Variants in SPINK1 observed in about 807,000 individuals in gnomAD.
The protein encoded by SPINK1 is serine peptidase inhibitor Kazal type 1.
In SPINK1, 5 loss-of-function variants were observed where a neutral mutation model predicts 9.5. The ratio of observed to expected loss-of-function variants is 0.52; its 90% CI spans 0.27 to 1.10. SPINK1 has a LOEUF of 1.10. Ranked by LOEUF, SPINK1 falls within the 50% of genes least tolerant of loss-of-function variation. SPINK1 has a pLI of 0.11. For missense variants in SPINK1, 88 were observed against 92.7 expected (o/e 0.95, Z 0.21); for synonymous variants, 37 against 32.3 (o/e 1.14, Z -0.49).
upstream of SPINK1, among the ~76,000 whole-genome samples, chr5:147,834,642 G>A (rs536303619): frequency 3.9e-4 from 60 of 151,948 alleles, no homozygotes; most frequent in Middle Eastern, 3.4e-3. Flanking sequence ...TTTTTTCTTG[G>A]GTCTCACAAG....
chr5:147,828,909 G>C (rs193048673), intron 2 of SPINK1, among the ~76,000 whole-genome samples: 54 of 148,252 alleles, frequency 3.6e-4, no homozygotes, highest in Non-Finnish European at 6.7e-4. Context: ...TTTTTTTTTG[G>C]CTCAAAATAA....
intron 3 of SPINK1, chr5:147,826,999 C>A (rs912977720): frequency 1.3e-5 from 2 of 152,160 alleles, no homozygotes; most frequent in Admixed American, 6.5e-5. Flanking sequence ...TTTGTTCATT[C>A]CACACCTTTA....
the SPINK1 span, among the ~76,000 whole-genome samples, chr5:147,838,022 G>A: frequency 1.2e-3 from 175 of 152,146 alleles, no homozygotes; most frequent in African/African-American, 3.9e-3. Flanking sequence ...TTCTTACAGG[G>A]ACAAGCCATC....
intron 1 of SPINK1, among the ~76,000 whole-genome samples, chr5:147,830,023 T>A (rs570916561): frequency 6.6e-6 from 1 of 152,346 alleles, no homozygotes; most frequent in African/African-American, 2.4e-5. Context: ...TAGTGAAGTA[T>A]AATTTTTATC....
upstream of SPINK1, among the ~76,000 whole-genome samples, chr5:147,834,923 A>C (rs1287209103): frequency 6.6e-6 from 1 of 152,108 alleles, no homozygotes; most frequent in Non-Finnish European, 1.5e-5. Context: ...CTCTTGATAG[A>C]TTTTTTTATT....
At chr5:147,836,852 C>T in the SPINK1 span, among the ~76,000 whole-genome samples, 1 of 152,144 alleles carries the variant, frequency 6.6e-6, no homozygotes, top group Admixed American at 6.6e-5. Context: ...AGAACAGAAA[C>T]AGATGACACC....
chr5:147,838,397 T>C, the SPINK1 span, among the ~76,000 whole-genome samples: 1 of 152,154 alleles, frequency 6.6e-6, no homozygotes, highest in East Asian at 1.9e-4. Flanking sequence ...AGGGAGAGTG[T>C]ATGAAGATCA....
chr5:147,837,436 G>A, the SPINK1 span, among the ~76,000 whole-genome samples: 1 of 152,114 alleles, frequency 6.6e-6, no homozygotes, highest in Admixed American at 6.5e-5. Flanking sequence ...GAATTAAGAG[G>A]ATAATGCCTT....
chr5:147,825,375 T>C (rs1192197411), intron 3 of SPINK1, among the ~76,000 whole-genome samples: 1 of 152,160 alleles, frequency 6.6e-6, no homozygotes, highest in Non-Finnish European at 1.5e-5. Context: ...ATTCTTCTAC[T>C]TCTCTATTAC....
the SPINK1 span, among the ~76,000 whole-genome samples, chr5:147,839,076 G>C: frequency 6.6e-6 from 1 of 152,174 alleles, no homozygotes; most frequent in Non-Finnish European, 1.5e-5. Context: ...CTTTATAAAG[G>C]AAAGAGGTTT....
upstream of SPINK1, among the ~76,000 whole-genome samples, chr5:147,835,198 A>G (rs1039300555): frequency 6.6e-6 from 1 of 152,100 alleles, no homozygotes; most frequent in African/African-American, 2.4e-5. Flanking sequence ...AGTGGGCAAA[A>G]CAGTTTTCTC....
chr5:147,827,754 T>C (rs567457829), intron 3 of SPINK1: 43 of 289,722 alleles, frequency 1.5e-4, no homozygotes, highest in African/African-American at 9.0e-4. Flanking sequence ...CTAATAATTT[T>C]TTTAATTAAA....
At chr5:147,824,791 A>G in intron 3 of SPINK1, 85 bp from the exon 4 acceptor site, 2 of 1,229,826 alleles carry the variant, frequency 1.6e-6, no homozygotes, top group Non-Finnish European at 2.4e-6. Flanking sequence ...GGGAAAAATA[A>G]CAGCTTCATT....
At chr5:147,825,186 T>TTA (rs1756378318) in intron 3 of SPINK1, among the ~76,000 whole-genome samples, 2 of 152,146 alleles carry the variant, frequency 1.3e-5, no homozygotes, top group African/African-American at 4.8e-5. Context: ...TTCCTGCCAG[T>TTA]TCTAAACATC....
At chr5:147,829,564 G>C (rs778518737) in intron 2 of SPINK1, 35 bp downstream of exon 2, 11 of 1,605,266 alleles carry the variant, frequency 6.9e-6, no homozygotes, top group Non-Finnish European at 9.4e-6. Context: ...AACTGTTCCA[G>C]TCTGAGAAAT....
upstream of SPINK1, among the ~76,000 whole-genome samples, chr5:147,836,409 A>G (rs1756596553): frequency 6.6e-6 from 1 of 152,074 alleles, no homozygotes; most frequent in African/African-American, 2.4e-5. Flanking sequence ...TGCCACAAAG[A>G]AAGGGTTGCC....
chr5:147,825,853 C>G (rs1756394629), intron 3 of SPINK1, among the ~76,000 whole-genome samples: 1 of 152,166 alleles, frequency 6.6e-6, no homozygotes, highest in Non-Finnish European at 1.5e-5. Context: ...ACAGAATAAA[C>G]AAGAGTTGCT....
chr5:147,833,177 G>C (rs1756538052), upstream of SPINK1, among the ~76,000 whole-genome samples: 1 of 152,176 alleles, frequency 6.6e-6, no homozygotes, highest in Admixed American at 6.6e-5. Flanking sequence ...CAAAGGTTCT[G>C]AGGCTGACGC....
At chr5:147,831,092 A>T (rs1299731147) in intron 1 of SPINK1, among the ~76,000 whole-genome samples, 2 of 152,236 alleles carry the variant, frequency 1.3e-5, no homozygotes, top group Admixed American at 1.3e-4. Flanking sequence ...ACAATAAAAA[A>T]ATAAATTTTT....
Sources: gnomAD v4.1 joint callset for allele counts (sites outside exome capture counted in the v4.1 genomes callset) on GRCh38, gnomAD v4.1.1 for gene constraint, MANE v1.5 for transcripts, NCBI Gene and HGNC (gene_info 2026-07-23, HGNC 2026-07-21) for gene names.